Variants in ZNF438 observed in about 807,000 individuals in gnomAD.
ZNF438 encodes zinc finger protein 438.
Under a neutral mutation model 38.0 loss-of-function variants are expected in ZNF438, and 25 were observed. The observed-to-expected ratio is 0.66, with a 90% CI of 0.48 to 0.92. ZNF438 has a LOEUF of 0.92. ZNF438 is among the 40% of genes least tolerant of loss of function. ZNF438 has a pLI of 0.00. For synonymous variants in ZNF438, 372 were observed against 364.1 expected, an observed-to-expected ratio of 1.02 and a Z score of -0.25; for missense variants, 1,007 against 999.6, an observed-to-expected ratio of 1.01 and a Z score of -0.10.
rs148249079 is a variant in ZNF438, at chr10:30,956,924, G to A, written c.-191-15273C>T. Among the ~76,000 whole-genome samples, 22 of 152,276 alleles carry A rather than the reference G, an allele frequency of 1.4e-4. No homozygotes were observed. In the East Asian group the frequency reaches 4.2e-3, roughly 29 times the overall value. ...TATAAGCCGTACAGTGAAACTGTTA[G>A]ATCATATGGTAGTTCTGTTATTAAT... On this transcript the variant is annotated intron_variant, in intron 1 of 5. Transcript: ENST00000413025.
chr10:31,022,371 C>T (rs1370081104), intron 1 of ZNF438, among the ~76,000 whole-genome samples: 1 of 152,118 alleles, frequency 6.6e-6, no homozygotes, highest in African/African-American at 2.4e-5. Context: ...AAGCAATTCT[C>T]CTGCCTCAGC....
chr10:30,856,980 ATCT>A (rs1349880822), intron 4 of ZNF438, among the ~76,000 whole-genome samples: 1 of 152,204 alleles, frequency 6.6e-6, no homozygotes, highest in African/African-American at 2.4e-5. Context: ...TTTTAATTAA[ATCT>A]TCATCCAAAC....
chr10:30,902,245 G>A (rs1189612457), intron 3 of ZNF438, among the ~76,000 whole-genome samples: 1 of 152,162 alleles, frequency 6.6e-6, no homozygotes, highest in Non-Finnish European at 1.5e-5. Context: ...TTCACAGAGA[G>A]CTGATTGGTC....
chr10:30,983,037 G>A (rs1389022680), intron 1 of ZNF438, among the ~76,000 whole-genome samples: 3 of 152,112 alleles, frequency 2.0e-5, no homozygotes, highest in African/African-American at 7.2e-5. Context: ...CCAAACCACT[G>A]AGTCACATTA....
At chr10:30,859,212 G>A (rs2035176008) in intron 4 of ZNF438, among the ~76,000 whole-genome samples, 1 of 152,126 alleles carries the variant, frequency 6.6e-6, no homozygotes, top group Non-Finnish European at 1.5e-5. Context: ...CTCCCAAGTA[G>A]CTGGGACTAC....
At chr10:31,026,031 G>A (rs1430105474) in intron 1 of ZNF438, among the ~76,000 whole-genome samples, 1 of 152,154 alleles carries the variant, frequency 6.6e-6, no homozygotes, top group Admixed American at 6.5e-5. Flanking sequence ...AAACTGGCTA[G>A]CCATATTGAG....
intron 3 of ZNF438, among the ~76,000 whole-genome samples, chr10:30,892,978 AGT>A (rs1264755869): frequency 6.6e-6 from 1 of 152,216 alleles, no homozygotes; most frequent in East Asian, 1.9e-4. Flanking sequence ...AGCTACATAC[AGT>A]GTGCACCCTT....
At chr10:30,974,329 C>T (rs533511824) in intron 1 of ZNF438, among the ~76,000 whole-genome samples, 14 of 152,226 alleles carry the variant, frequency 9.2e-5, no homozygotes, top group African/African-American at 3.4e-4. Flanking sequence ...AAAAATTAGC[C>T]GAGGCTGGTG....
intron 1 of ZNF438, among the ~76,000 whole-genome samples, chr10:30,973,561 A>T (rs1263436024): frequency 6.6e-6 from 1 of 152,202 alleles, no homozygotes. Flanking sequence ...CATTTATTCA[A>T]TTCATGATAC....
At chr10:30,976,299 A>G (rs2051335753) in intron 1 of ZNF438, among the ~76,000 whole-genome samples, 1 of 152,258 alleles carries the variant, frequency 6.6e-6, no homozygotes. Context: ...AGGATAAAAA[A>G]TAAAATCCAA....
intron 3 of ZNF438, among the ~76,000 whole-genome samples, chr10:30,893,990 C>T (rs2041023656): frequency 6.6e-6 from 1 of 152,186 alleles, no homozygotes; most frequent in African/African-American, 2.4e-5. Flanking sequence ...TAAAACCACT[C>T]AAATAATACT....
intron 1 of ZNF438, among the ~76,000 whole-genome samples, chr10:30,945,371 C>T (rs2047267345): frequency 6.9e-6 from 1 of 145,962 alleles, no homozygotes; most frequent in Admixed American, 6.9e-5. Flanking sequence ...TGCATGGTAT[C>T]TCTTTGGATT....
rs74798590 is a variant in ZNF438 at position 30,871,184 on chromosome 10, A to T, written c.37+5814T>A. On this transcript the variant is annotated intron_variant, in intron 4 of 5. Coordinates refer to ENST00000413025, the Ensembl canonical transcript of ZNF438. ...GCAGCCCAGTGTTATTAATTACAACAGCTGCAAGAGAGGAGCTTAGTTTGG... is the reference window on the plus strand; with the variant it reads ...GCAGCCCAGTGTTATTAATTACAACTGCTGCAAGAGAGGAGCTTAGTTTGG... Among the ~76,000 whole-genome samples the T allele has an allele frequency of 8.2e-3, 1,252 of 152,320 alleles. 14 individuals carry two copies. The highest frequency in any genetic ancestry group is 0.028 in the African/African-American group (1,153 of 41,572).
At chr10:30,946,830 T>G (rs55796032) in intron 1 of ZNF438, among the ~76,000 whole-genome samples, 10,353 of 152,264 alleles carry the variant, frequency 0.068, 1,146 homozygotes, top group African/African-American at 0.23. Context: ...AATTGAATAC[T>G]TTTTAGTTTT....
At chr10:30,849,964 G>C (rs752052528) in exon 5 of ZNF438, 8 of 1,614,168 alleles carry the variant, frequency 5.0e-6, no homozygotes, top group Non-Finnish European at 6.8e-6. Context: ...CAGGAGCTTT[G>C]CTACAGCCAC....
intron 1 of ZNF438, among the ~76,000 whole-genome samples, 159 bp from the exon 3 acceptor site, chr10:30,941,810 TA>T (rs1434387831): frequency 6.6e-6 from 1 of 152,164 alleles, no homozygotes; most frequent in Non-Finnish European, 1.5e-5. Flanking sequence ...GAACCTAAAA[TA>T]AAAATCTCAA....
chr10:30,993,196 G>T (rs1356945118), intron 1 of ZNF438, among the ~76,000 whole-genome samples: 1 of 152,182 alleles, frequency 6.6e-6, no homozygotes, highest in African/African-American at 2.4e-5. Context: ...GGACCCAGAG[G>T]CTATTCATCA....
upstream of ZNF438, among the ~76,000 whole-genome samples, chr10:31,032,396 C>T (rs898798739): frequency 6.6e-6 from 1 of 152,118 alleles, no homozygotes; most frequent in African/African-American, 2.4e-5. Flanking sequence ...ACGCGGCTCC[C>T]GCTAGACTCC....
intron 2 of ZNF438, among the ~76,000 whole-genome samples, chr10:30,912,940 T>C (rs1262107517): frequency 1.3e-5 from 2 of 152,136 alleles, no homozygotes; most frequent in South Asian, 2.1e-4. Flanking sequence ...TTATTTTTAA[T>C]ACAGTTCTCT....
Sources: gnomAD v4.1 joint callset for allele counts (sites outside exome capture counted in the v4.1 genomes callset) on GRCh38, gnomAD v4.1.1 for gene constraint, MANE v1.5 for transcripts, NCBI Gene and HGNC (gene_info 2026-07-23, HGNC 2026-07-21) for gene names.